N4BP2: variants seen among roughly 807,000 people sequenced by gnomAD.
N4BP2 encodes the protein NEDD4 binding protein 2, also known as NEDD4-binding protein 2.
Under a neutral mutation model 152.8 loss-of-function variants are expected in N4BP2, and 91 were observed. The observed-to-expected ratio is 0.60, with a 90% CI of 0.50 to 0.71. The LOEUF is 0.71. N4BP2 is among the 30% of genes least tolerant of loss of function. The pLI is 0.00. For synonymous variants in N4BP2, 646 were observed against 705.3 expected (o/e 0.92, Z 1.33); for missense variants, 1,923 against 2,059.1 (o/e 0.93, Z 1.28).
chr4:40,102,120 C>G lies in N4BP2; in HGVS notation c.275C>G (p.Thr92Ser), dbSNP rs1215262395. 1 of 1,611,360 alleles carries G rather than the reference C, an allele frequency of 6.2e-7. No individual in the cohort carries two copies. ...DCLLELSATD[T>S]KIEESSSQSF... ...CTATTAGAATTATCTGCCACTGATA[C>G]CAAGATAGAAGAATCATCTTCACAA... The change falls in exon 4 of 18, where the codon ACC becomes AGC. Residue 92 changes from threonine to serine, a missense_variant. Physicochemically the swap from Thr to Ser is moderately conservative, Grantham distance 58. Transcript: ENST00000261435.
chr4:40,171,205 A>T, the N4BP2 span, among the ~76,000 whole-genome samples: 1 of 152,102 alleles, frequency 6.6e-6, no homozygotes, highest in African/African-American at 2.4e-5. Flanking sequence ...AGTTCTTCCA[A>T]CGTGAAGTGC....
chr4:40,120,460 G>C lies in N4BP2; in HGVS notation c.2349G>C (p.Glu783Asp). ...KSTLEKFPRH[E>D]LSNFVGDWPV... ...CTTTGGAAAAGTTCCCAAGACATGA[G>C]CTATCAAATTTTGTTGGTGACTGGC... The change falls in exon 9 of 18, where the codon GAG (glutamate) becomes GAC (aspartate). Residue 783 changes from glutamate (E) to aspartate (D), a missense_variant. Coordinates refer to ENST00000261435, the MANE Select transcript of N4BP2 (RefSeq NM_018177.6). 1 of 1,613,828 alleles carries C rather than the reference G, an allele frequency of 6.2e-7. No homozygotes were observed. The highest frequency in any genetic ancestry group is 8.5e-7 in the Non-Finnish European group (1 of 1,180,014).
intron 2 of N4BP2, among the ~76,000 whole-genome samples, chr4:40,091,282 G>C (rs948386978): frequency 5.3e-5 from 8 of 151,854 alleles, no homozygotes; most frequent in African/African-American, 1.9e-4. Flanking sequence ...TCATGAGCTA[G>C]AACTTCCAGC....
intron 9 of N4BP2, 70 bp downstream of exon 9, chr4:40,122,379 T>A: frequency 9.5e-7 from 1 of 1,049,502 alleles, no homozygotes; most frequent in Non-Finnish European, 1.3e-6. Context: ...TATTTTGTAT[T>A]TTTTTTTTTT....
intron 1 of N4BP2, among the ~76,000 whole-genome samples, chr4:40,064,345 A>T (rs1209331982): frequency 2.7e-5 from 4 of 150,938 alleles, no homozygotes; most frequent in Non-Finnish European, 4.4e-5. Flanking sequence ...TGTGATCTTG[A>T]CTCACTGCAA....
chr4:40,062,078 C>CTTTTTTTTTTTTTTTTTTTTTTTTTTT (rs71194968), intron 1 of N4BP2, among the ~76,000 whole-genome samples: 1 of 132,386 alleles, frequency 7.6e-6, no homozygotes, highest in Non-Finnish European at 1.5e-5. Context: ...TTTTTGGTTA[C>CTTTTTTTTTTTTTTTTTTTTTTTTTTT]TTTTTTTTTT....
At chr4:40,082,640 A>C (rs1314471983) in intron 2 of N4BP2, among the ~76,000 whole-genome samples, 3 of 152,066 alleles carry the variant, frequency 2.0e-5, no homozygotes, top group Admixed American at 2.0e-4. Context: ...AATAAAAAAC[A>C]ACCAAAAAGC....
rs202101051 is a variant in N4BP2, at chr4:40,144,709, G to A, written c.5052G>A (p.Ser1684=). The A allele has an allele frequency of 2.2e-5, 35 of 1,613,918 alleles. No homozygotes were observed. The highest frequency in any genetic ancestry group is 4.5e-5 in the East Asian group (2 of 44,872). ...AGATCTTTGAGAAAGTCAATGCTTCGCTGCTGCCACAGAATGTTTTAGACC... is the reference window on the plus strand; with the variant it reads ...AGATCTTTGAGAAAGTCAATGCTTCACTGCTGCCACAGAATGTTTTAGACC... ...AIEIFEKVNA[S]LLPQNVLDLH... The change falls in exon 16 of 18, where the codon TCG becomes TCA. Residue 1684 remains serine (S), a synonymous_variant. Transcript: ENST00000261435.
chr4:40,074,690 T>C (rs1199783209), intron 2 of N4BP2, among the ~76,000 whole-genome samples: 1 of 152,008 alleles, frequency 6.6e-6, no homozygotes, highest in Non-Finnish European at 1.5e-5. Context: ...ATTTAATGAG[T>C]GTTTTCGTTT....
At position 40,121,781 on chromosome 4, in the gene N4BP2, G is replaced by A; in HGVS notation, c.3670G>A (p.Ala1224Thr). 1 of 1,614,026 alleles carries A rather than the reference G, an allele frequency of 6.2e-7. No individual in the cohort carries two copies. Among genetic ancestry groups the A allele is most frequent in the South Asian group, 1.1e-5 (1 of 91,080 alleles). The change falls in exon 9 of 18, where the codon GCT becomes ACT. Residue 1224 changes from alanine (A) to threonine (T), a missense_variant. Coordinates refer to ENST00000261435, the MANE Select transcript of N4BP2 (RefSeq NM_018177.6). ...HESMTSIFPS[A>T]AVGLKNNNDI... ...ATCGATGACAAGTATATTTCCCAGTGCTGCTGTGGGTCTAAAGAATAATAA... is the reference window on the plus strand; with the variant it reads ...ATCGATGACAAGTATATTTCCCAGTACTGCTGTGGGTCTAAAGAATAATAA...
rs936929371 is a variant in N4BP2, at chr4:40,120,402, A to T, written c.2291A>T (p.Lys764Ile). 6.2e-7 allele frequency: 1 copy of T among 1,613,942 alleles called. No individual in the cohort carries two copies. The highest frequency in any genetic ancestry group is 8.5e-7 in the Non-Finnish European group (1 of 1,180,016). Reference sequence around the variant, plus strand: ...GTGGAAGAAAGAGCAACAGTAACGAAAAAAGCCTTTGGGAAACAAAAAAGC... The same window carrying T: ...GTGGAAGAAAGAGCAACAGTAACGATAAAAGCCTTTGGGAAACAAAAAAGC... The part of the protein sequence containing the change: ...EIVEERATVT[K>I]KAFGKQKSKS... The change falls in exon 9 of 18, where the codon AAA (lysine) becomes ATA (isoleucine). Residue 764 changes from lysine to isoleucine, a missense_variant. Coordinates refer to ENST00000261435, the MANE Select transcript of N4BP2 (RefSeq NM_018177.6).
chr4:40,169,721 T>TG, the N4BP2 span, among the ~76,000 whole-genome samples: 2 of 150,642 alleles, frequency 1.3e-5, no homozygotes, highest in Non-Finnish European at 3.0e-5. Context: ...TCCCAGCACT[T>TG]TGGGAGGCCG....
chr4:40,121,626 C>A lies in N4BP2; in HGVS notation c.3515C>A (p.Ser1172Tyr). Reference sequence around the variant, plus strand: ...AGCCAAAGAGGAACTTTAGAGAATTCTAATTCTCCTGTGCCAGAGTTTAGC... The same window carrying A: ...AGCCAAAGAGGAACTTTAGAGAATTATAATTCTCCTGTGCCAGAGTTTAGC... ...IISQRGTLEN[S>Y]NSPVPEFSHG... Residue 1172 changes from serine to tyrosine, a missense_variant, in exon 9 of 18, where the codon TCT (serine) becomes TAT (tyrosine). Coordinates refer to ENST00000261435, the MANE Select transcript of N4BP2 (RefSeq NM_018177.6). 6.2e-7 allele frequency: 1 copy of A among 1,614,076 alleles called. No individual in the cohort carries two copies. The highest frequency in any genetic ancestry group is 8.5e-7 in the Non-Finnish European group (1 of 1,179,978).
chr4:40,064,644 T>G (rs1037973780), intron 1 of N4BP2, among the ~76,000 whole-genome samples: 1 of 152,166 alleles, frequency 6.6e-6, no homozygotes, highest in Non-Finnish European at 1.5e-5. Flanking sequence ...AGACTAGTAG[T>G]CTCAACAAGT....
chr4:40,109,293 G>T (rs1234845380), intron 5 of N4BP2, among the ~76,000 whole-genome samples: 10 of 152,136 alleles, frequency 6.6e-5, no homozygotes, highest in Non-Finnish European at 1.5e-5. Flanking sequence ...ATCACCCTTG[G>T]ATTCACCAGT....
chr4:40,073,280 G>A (rs1712393062), intron 1 of N4BP2, among the ~76,000 whole-genome samples, 175 bp from the exon 2 acceptor site: 1 of 152,100 alleles, frequency 6.6e-6, no homozygotes, highest in Non-Finnish European at 1.5e-5. Context: ...TTTTCAGAGT[G>A]CAATAGTCAC....
intron 1 of N4BP2, among the ~76,000 whole-genome samples, chr4:40,073,086 T>A (rs1319180988): frequency 6.6e-6 from 1 of 152,204 alleles, no homozygotes; most frequent in African/African-American, 2.4e-5. Flanking sequence ...CTTGATTAGC[T>A]ATTTAATTAT....
At chr4:40,141,660 A>T (rs1028083909) in intron 14 of N4BP2, among the ~76,000 whole-genome samples, 3 of 146,582 alleles carry the variant, frequency 2.0e-5, no homozygotes, top group African/African-American at 7.6e-5. Context: ...CCAGGCAGAG[A>T]CGCTCCTCAC....
At chr4:40,093,201 C>T (rs1290555038) in intron 2 of N4BP2, among the ~76,000 whole-genome samples, 1 of 152,112 alleles carries the variant, frequency 6.6e-6, no homozygotes, top group South Asian at 2.1e-4. Flanking sequence ...GCCTCAGCCT[C>T]CCAAAGTGCT....
Sources: gnomAD v4.1 joint callset for allele counts (sites outside exome capture counted in the v4.1 genomes callset) on GRCh38, gnomAD v4.1.1 for gene constraint, MANE v1.5 for transcripts, NCBI Gene and HGNC (gene_info 2026-07-23, HGNC 2026-07-21) for gene names.